The following AUTS2 variants were observed in gnomAD, a reference collection of about 807,000 sequenced individuals.
The protein encoded by AUTS2 is activator of transcription and developmental regulator AUTS2, also known as autism susceptibility gene 2 protein.
A neutral mutation model predicts 112.4 loss-of-function variants in AUTS2; 17 were observed. The ratio of observed to expected loss-of-function variants is 0.15; its 90% CI spans 0.10 to 0.23. The LOEUF is 0.23. Ranked by LOEUF, AUTS2 falls within the 10% of genes least tolerant of loss-of-function variation. The pLI is 1.00. For synonymous variants in AUTS2, 751 were observed against 702.7 expected (o/e 1.07, Z -1.09); for missense variants, 1,510 against 1,701.6 (o/e 0.89, Z 1.98).
intron 5 of AUTS2, among the ~76,000 whole-genome samples, chr7:70,445,430 C>G (rs1228597422): frequency 6.6e-6 from 1 of 152,128 alleles, no homozygotes; most frequent in African/African-American, 2.4e-5. Context: ...CACCCTCACC[C>G]CCACCCAAAC....
At chr7:70,771,290 T>G (rs1220913610) in intron 10 of AUTS2, 1 of 288,016 alleles carries the variant, frequency 3.5e-6, no homozygotes, top group Non-Finnish European at 6.4e-6. Context: ...AATTAATAAT[T>G]AGAAAAGCTC....
intron 4 of AUTS2, among the ~76,000 whole-genome samples, chr7:70,158,703 C>T (rs1045534991): frequency 2.0e-5 from 3 of 151,624 alleles, no homozygotes; most frequent in South Asian, 2.1e-4. Flanking sequence ...CTCTGGTGCA[C>T]GTGATCCATG....
rs541029392 is a variant in AUTS2, at chr7:69,807,456, T to C, written c.310-91830T>C. Reference sequence around the variant, plus strand: ...CTGGGTAGTTCTTGCTTGACTTCTCTTTTGAGATTCCAGGAGTAAAGGTAC... The same window carrying C: ...CTGGGTAGTTCTTGCTTGACTTCTCCTTTGAGATTCCAGGAGTAAAGGTAC... On this transcript the variant is annotated intron_variant, in intron 1 of 18. Coordinates refer to ENST00000342771, the MANE Select transcript of AUTS2 (RefSeq NM_015570.4). Among the ~76,000 whole-genome samples, 261 of 152,140 alleles carry C rather than the reference T, an allele frequency of 1.7e-3. 1 individual carries two copies. The highest frequency in any genetic ancestry group is 3.4e-3 in the Non-Finnish European group (230 of 68,024).
At chr7:70,734,275 TA>T (rs1787644595) in intron 6 of AUTS2, among the ~76,000 whole-genome samples, 1 of 151,538 alleles carries the variant, frequency 6.6e-6, no homozygotes, top group Non-Finnish European at 1.5e-5. Context: ...CCGTCTCTAG[TA>T]AAAATACAAA....
chr7:70,193,529 A>C (rs1219883700), intron 4 of AUTS2, among the ~76,000 whole-genome samples: 1 of 152,158 alleles, frequency 6.6e-6, no homozygotes, highest in Non-Finnish European at 1.5e-5. Flanking sequence ...AACTCACCTA[A>C]AGTTACATAG....
chr7:70,659,219 G>A (rs892078513), intron 5 of AUTS2, among the ~76,000 whole-genome samples: 7 of 152,230 alleles, frequency 4.6e-5, no homozygotes, highest in Non-Finnish European at 1.0e-4. Flanking sequence ...CTGAATTCCC[G>A]CGGCCCTTGC....
At chr7:70,407,970 C>T (rs1270538365) in intron 4 of AUTS2, among the ~76,000 whole-genome samples, 4 of 151,058 alleles carry the variant, frequency 2.6e-5, no homozygotes, top group African/African-American at 9.7e-5. Context: ...AGGAGAATGG[C>T]GTGAACCCGG....
chr7:70,229,726 A>G (rs1811945086), intron 4 of AUTS2, among the ~76,000 whole-genome samples: 2 of 151,906 alleles, frequency 1.3e-5, no homozygotes, highest in South Asian at 4.2e-4. Flanking sequence ...GGTGTGCTAC[A>G]GGTCTGTTAT....
intron 5 of AUTS2, among the ~76,000 whole-genome samples, chr7:70,439,338 G>C (rs1468556175): frequency 6.6e-6 from 1 of 152,094 alleles, no homozygotes; most frequent in Non-Finnish European, 1.5e-5. Context: ...AGGAGTTGGA[G>C]ACCAGCCTGA....
chr7:69,629,785 G>A (rs2129102021), intron 1 of AUTS2, among the ~76,000 whole-genome samples: 1 of 151,608 alleles, frequency 6.6e-6, no homozygotes, highest in East Asian at 1.9e-4. Context: ...TGGGACAGCT[G>A]GCACATAGTT....
intron 2 of AUTS2, among the ~76,000 whole-genome samples, chr7:70,093,215 G>A (rs770236509): frequency 9.9e-5 from 15 of 152,054 alleles, no homozygotes; most frequent in Non-Finnish European, 1.8e-4. Flanking sequence ...ATCTCTCATC[G>A]TTTTCTTGCT....
chr7:70,535,083 C>CA (rs1800263443), intron 5 of AUTS2, among the ~76,000 whole-genome samples: 1 of 149,936 alleles, frequency 6.7e-6, no homozygotes, highest in Non-Finnish European at 1.5e-5. Context: ...GTTGTACACT[C>CA]AAAGAAATTC....
intron 1 of AUTS2, among the ~76,000 whole-genome samples, chr7:69,785,599 A>G (rs1189857320): frequency 1.3e-5 from 2 of 152,258 alleles, no homozygotes; most frequent in Non-Finnish European, 2.9e-5. Flanking sequence ...CTGTTTGACC[A>G]CATAACTCAG....
intron 5 of AUTS2, among the ~76,000 whole-genome samples, chr7:70,660,923 C>G (rs1807038844): frequency 6.6e-6 from 1 of 152,166 alleles, no homozygotes; most frequent in South Asian, 2.1e-4. Context: ...TCACTGAATC[C>G]CCATAACACT....
At chr7:70,754,038 G>A (rs1301390950) in intron 6 of AUTS2, among the ~76,000 whole-genome samples, 1 of 151,996 alleles carries the variant, frequency 6.6e-6, no homozygotes, top group Admixed American at 6.5e-5. Context: ...GCGGGTGCCT[G>A]TAGTCCCAGC....
At chr7:70,095,944 G>A (rs907282991) in intron 2 of AUTS2, among the ~76,000 whole-genome samples, 1 of 152,176 alleles carries the variant, frequency 6.6e-6, no homozygotes, top group Non-Finnish European at 1.5e-5. Flanking sequence ...TAGCATTCAA[G>A]AAGAGCATTC....
intron 4 of AUTS2, among the ~76,000 whole-genome samples, chr7:70,374,779 C>A (rs765168624): frequency 6.6e-6 from 1 of 152,172 alleles, no homozygotes; most frequent in Non-Finnish European, 1.5e-5. Context: ...TCTTGCATCC[C>A]TTGAAGACAC....
intron 2 of AUTS2, among the ~76,000 whole-genome samples, chr7:69,934,168 C>G (rs1796323874): frequency 6.6e-6 from 1 of 152,034 alleles, no homozygotes; most frequent in African/African-American, 2.4e-5. Flanking sequence ...TAGAGGTCTC[C>G]CAAAATTGTT....
rs980398722 is a variant in AUTS2, at chr7:69,931,058, G to A, written c.522+31560G>A. Among the ~76,000 whole-genome samples, 3 of 151,410 alleles carry A rather than the reference G, an allele frequency of 2.0e-5. No individual in the cohort carries two copies. In the South Asian group the frequency reaches 6.3e-4, roughly 32 times the overall value. On this transcript the variant is annotated intron_variant, in intron 2 of 18. Transcript: ENST00000342771. ...GATCTTTTAAAAAATGTATCTTTAGGGAGGTTTGTGCTTTTCCAGACTGAG... is the reference window on the plus strand; with the variant it reads ...GATCTTTTAAAAAATGTATCTTTAGAGAGGTTTGTGCTTTTCCAGACTGAG...
Sources: gnomAD v4.1 joint callset for allele counts (sites outside exome capture counted in the v4.1 genomes callset) on GRCh38, gnomAD v4.1.1 for gene constraint, MANE v1.5 for transcripts, NCBI Gene and HGNC (gene_info 2026-07-23, HGNC 2026-07-21) for gene names.